The following CFH variants were observed in gnomAD, a reference collection of about 807,000 sequenced individuals.
CFH encodes complement factor H.
A neutral mutation model predicts 147.3 loss-of-function variants in CFH; 53 were observed. That is an observed-to-expected ratio of 0.36 (90% confidence interval 0.29 to 0.45). The LOEUF (loss-of-function observed/expected upper bound fraction) is 0.45, where lower values mean the gene tolerates loss of function less well. Ranked by LOEUF, CFH falls within the 20% of genes least tolerant of loss-of-function variation. The probability of loss-of-function intolerance (pLI) is 1.00; values close to 1 mark genes in which losing one functional copy is unlikely to be tolerated. For missense variants in CFH, 1,380 were observed against 1,498.0 expected, an observed-to-expected ratio of 0.92 and a Z score of 1.30; for synonymous variants, 536 against 489.4, an observed-to-expected ratio of 1.10 and a Z score of -1.26.
intron 1 of CFH, among the ~76,000 whole-genome samples, chr1:196,662,727 CAAAAATT>C (rs902318950): frequency 2.0e-5 from 3 of 151,722 alleles, no homozygotes; most frequent in African/African-American, 7.3e-5. Flanking sequence ...ACAAAAAATA[CAAAAATT>C]AGCTGAGAGA....
chr1:196,656,404 A>C (rs908542562), intron 1 of CFH, among the ~76,000 whole-genome samples: 2 of 152,098 alleles, frequency 1.3e-5, no homozygotes, highest in Non-Finnish European at 2.9e-5. Context: ...AGCTTAGGAC[A>C]CATAGGTCAG....
intron 20 of CFH, among the ~76,000 whole-genome samples, chr1:196,745,511 A>G (rs2149117817): frequency 6.6e-6 from 1 of 152,322 alleles, no homozygotes; most frequent in South Asian, 2.1e-4. Flanking sequence ...ATGAAATAAG[A>G]AACTTCCTTT....
chr1:196,745,441 GT>G lies in CFH; in HGVS notation c.3311-371del, dbSNP rs1405077751. Among the ~76,000 whole-genome samples the G allele has an allele frequency of 2.0e-4, 31 of 152,076 alleles. No homozygotes were observed. In the East Asian group the frequency reaches 5.4e-3, roughly 27 times the overall value. On this transcript the variant is annotated intron_variant, in intron 20 of 21. Transcript: ENST00000367429. ...CCATGTATTATTAAGTATATTCAGT[GT>G]TTTTAAAAAATTTTTGTCATACTTT...
chr1:196,717,314 C>T (rs2149104480), intron 11 of CFH, among the ~76,000 whole-genome samples: 1 of 152,090 alleles, frequency 6.6e-6, no homozygotes, highest in Non-Finnish European at 1.5e-5. Context: ...TCTAATATTT[C>T]AAAGGATTGT....
At chr1:196,692,100 C>T (rs1185601618) in intron 9 of CFH, among the ~76,000 whole-genome samples, 2 of 151,924 alleles carry the variant, frequency 1.3e-5, no homozygotes, top group African/African-American at 4.8e-5. Flanking sequence ...ATTTTTTAAC[C>T]AGCATTGCAG....
At position 196,665,502 on chromosome 1, in the gene CFH, C is replaced by T. The variant is rs576551711; in HGVS notation, c.59-7476C>T. Reference sequence around the variant, plus strand: ...GTATTTATTTTAAATTTGTTTAAACCTAACTCTTTAGTCTACCTGGCATTT... The same window carrying T: ...GTATTTATTTTAAATTTGTTTAAACTTAACTCTTTAGTCTACCTGGCATTT... On this transcript the variant is annotated intron_variant, in intron 1 of 21. Coordinates refer to ENST00000367429, the MANE Select transcript of CFH (RefSeq NM_000186.4). Among the ~76,000 whole-genome samples, 4 of 151,678 alleles carry T rather than the reference C, an allele frequency of 2.6e-5. No individual in the cohort carries two copies. The South Asian group carries it at 6.2e-4, about 24-fold the overall frequency.
At position 196,685,180 on chromosome 1, in the gene CFH, C is replaced by G. The variant is rs142937931; in HGVS notation, c.907C>G (p.Arg303Gly). ...QCRNGFYPAT[R>G]GNTAKCTSTG... The stretch of plus-strand genomic sequence containing the variant: ...TAGAAATGGTTTTTATCCTGCAACC[C>G]GGGGAAATACAGCAAAATGCACAAG... The change falls in exon 7 of 22, where the codon CGG (arginine) becomes GGG (glycine). Residue 303 changes from arginine (R) to glycine (G), a missense_variant. Coordinates refer to ENST00000367429, the MANE Select transcript of CFH (RefSeq NM_000186.4). 1.2e-6 allele frequency: 2 copies of G among 1,612,886 alleles called. No homozygotes were observed. Among genetic ancestry groups the G allele is most frequent in the Admixed American group, 1.7e-5 (1 of 59,850 alleles).
At chr1:196,710,646 C>T (rs934280305) in intron 9 of CFH, among the ~76,000 whole-genome samples, 31 of 152,016 alleles carry the variant, frequency 2.0e-4, no homozygotes, top group Non-Finnish European at 3.4e-4. Context: ...AAACATTGTG[C>T]TTGGTTATTC....
chr1:196,740,512 T>C, intron 17 of CFH, 107 bp from the exon 18 acceptor site: 3 of 1,073,736 alleles, frequency 2.8e-6, no homozygotes, highest in Non-Finnish European at 4.1e-6. Flanking sequence ...GATGTCATAG[T>C]AGCTCCTGTA....
At chr1:196,695,732 A>G (rs1300669563) in intron 9 of CFH, among the ~76,000 whole-genome samples, 1 of 151,982 alleles carries the variant, frequency 6.6e-6, no homozygotes, top group Non-Finnish European at 1.5e-5. Context: ...ATCCCTTGTA[A>G]GTTGTATTTC....
intron 15 of CFH, among the ~76,000 whole-genome samples, chr1:196,734,038 A>G (rs1669342183): frequency 6.6e-6 from 1 of 152,030 alleles, no homozygotes; most frequent in African/African-American, 2.4e-5. Context: ...CATGTGTTTA[A>G]TCTCCTCTGC....
At chr1:196,669,228 AG>A (rs1667195268) in intron 1 of CFH, among the ~76,000 whole-genome samples, 1 of 152,196 alleles carries the variant, frequency 6.6e-6, no homozygotes, top group Admixed American at 6.5e-5. Flanking sequence ...AGGGAAGCAG[AG>A]CATAAAAGTT....
intron 9 of CFH, among the ~76,000 whole-genome samples, chr1:196,711,053 C>T (rs947412105): frequency 2.0e-5 from 3 of 151,896 alleles, no homozygotes; most frequent in African/African-American, 7.3e-5. Flanking sequence ...TCTGTCATTG[C>T]TGTTATAAGC....
intron 9 of CFH, among the ~76,000 whole-genome samples, chr1:196,705,065 C>A (rs1345611073): frequency 6.6e-6 from 1 of 152,176 alleles, no homozygotes; most frequent in Admixed American, 6.5e-5. Flanking sequence ...AACTCACTAA[C>A]CGTCCGGGGG....
At chr1:196,730,178 T>G (rs1324071123) in intron 15 of CFH, among the ~76,000 whole-genome samples, 3 of 152,042 alleles carry the variant, frequency 2.0e-5, no homozygotes, top group East Asian at 3.9e-4. Context: ...ACTACTAGAC[T>G]GTTTATTTGA....
In CFH at chr1:196,689,546, C is replaced by T. The variant is rs765531414; in HGVS notation, c.1091C>T (p.Pro364Leu). 20 of 1,613,330 alleles carry T rather than the reference C, an allele frequency of 1.2e-5. No individual in the cohort carries two copies. The Admixed American group carries it at 1.5e-4, about 12-fold the overall frequency. The change falls in exon 8 of 22, where the codon CCG (proline) becomes CTG (leucine). Residue 364 changes from proline to leucine, a missense_variant. Pro to Leu is a moderately conservative substitution (Grantham distance 98). Transcript: ENST00000367429. ...SYYCDEHFETPSGSYWDHIHC... is the reference protein window; with the variant it reads ...SYYCDEHFETLSGSYWDHIHC... ...TACTGTGATGAACATTTTGAGACTC[C>T]GTCAGGAAGTTACTGGGATCACATT...
intron 11 of CFH, among the ~76,000 whole-genome samples, chr1:196,717,711 AC>A (rs1263152773): frequency 1.3e-5 from 2 of 152,128 alleles, no homozygotes; most frequent in Non-Finnish European, 2.9e-5. Flanking sequence ...GATGGAAGAC[AC>A]CAGAGCAGAT....
intron 9 of CFH, among the ~76,000 whole-genome samples, chr1:196,693,170 A>G (rs1668124908): frequency 6.6e-6 from 1 of 152,020 alleles, no homozygotes; most frequent in Non-Finnish European, 1.5e-5. Flanking sequence ...ATTCCTCATA[A>G]CCATGTTGTG....
At chr1:196,730,276 G>A (rs79190861) in intron 15 of CFH, among the ~76,000 whole-genome samples, 3,063 of 151,776 alleles carry the variant, frequency 0.02, 98 homozygotes, top group African/African-American at 0.07. Flanking sequence ...GTTTTGCTAC[G>A]TTTTGTTTCC....
Sources: allele counts gnomAD v4.1 joint callset (sites outside exome capture counted in the v4.1 genomes callset), GRCh38; gene constraint gnomAD v4.1.1; transcripts MANE v1.5; gene names NCBI Gene and HGNC (gene_info 2026-07-23, HGNC 2026-07-21).